GATAD2A: variants seen among roughly 807,000 people sequenced by gnomAD.
GATAD2A encodes transcriptional repressor p66-alpha.
A neutral mutation model predicts 68.5 loss-of-function variants in GATAD2A; 12 were observed. The observed-to-expected ratio is 0.18, with a 90% CI of 0.11 to 0.28. The LOEUF is 0.28. Among genes scored for constraint, GATAD2A ranks in the 10% least tolerant of loss-of-function variants. The pLI, the probability that GATAD2A is intolerant of heterozygous loss-of-function variation, is 1.00. For synonymous variants in GATAD2A, 410 were observed against 375.3 expected (o/e 1.09, Z -1.07); for missense variants, 755 against 868.5 (o/e 0.87, Z 1.64).
chr19:19,442,672 C>CGT, intron 1 of GATAD2A, among the ~76,000 whole-genome samples: 1 of 151,718 alleles, frequency 6.6e-6, no homozygotes, highest in East Asian at 1.9e-4. Context: ...TGGTTATACG[C>CGT]ACCTGCCATC....
chr19:19,480,130 G>A (rs951465326), intron 2 of GATAD2A, among the ~76,000 whole-genome samples: 2 of 151,986 alleles, frequency 1.3e-5, no homozygotes, highest in African/African-American at 4.8e-5. Flanking sequence ...TGAGGAATGG[G>A]GACTCATGCT....
intron 5 of GATAD2A, 118 bp from the exon 6 acceptor site, chr19:19,495,634 TAA>T (rs3067692): frequency 0.021 from 11,296 of 539,774 alleles, 1 homozygote; most frequent in East Asian, 0.028. Context: ...CTCTGCTACT[TAA>T]AAAAAAAAAA....
chr19:19,396,801 T>A (rs1280617405), intron 1 of GATAD2A, among the ~76,000 whole-genome samples: 2 of 152,106 alleles, frequency 1.3e-5, no homozygotes, highest in Non-Finnish European at 2.9e-5. Context: ...CTCCACCTCC[T>A]GGGTTCAAGC....
chr19:19,399,337 C>G (rs945670129), intron 1 of GATAD2A, among the ~76,000 whole-genome samples: 15 of 152,114 alleles, frequency 9.9e-5, no homozygotes, highest in African/African-American at 3.6e-4. Context: ...CTTGACCTCC[C>G]AGGCTCAAGC....
chr19:19,416,212 C>T (rs753391145), intron 1 of GATAD2A, among the ~76,000 whole-genome samples: 28 of 152,168 alleles, frequency 1.8e-4, no homozygotes, highest in Non-Finnish European at 3.4e-4. Context: ...ATGGGAGGAG[C>T]CAACTAAATA....
In GATAD2A at chr19:19,492,201, A is replaced by C. The variant is rs1199691424; in HGVS notation, c.270-105A>C. ...GGGATGTGGAGGATGCAGGGCAGAC[A>C]GGGAACAGACGGGGAGGTCTCAGCT... is the stretch of plus-strand genomic sequence containing the variant. On this transcript the variant is annotated intron_variant, in intron 2 of 11. Transcript: ENST00000683918. 3.3e-5 allele frequency: 39 copies of C among 1,193,116 alleles called. 1 individual carries two copies. The South Asian group carries it at 5.1e-4, about 16-fold the overall frequency. The allele number at this position is 1,193,116 out of a possible 1,614,324, so 73.9% of individuals were successfully genotyped here.
chr19:19,438,761 G>A lies in GATAD2A; in HGVS notation c.-6-26579G>A, dbSNP rs536350535. On this transcript the variant is annotated intron_variant, in intron 1 of 11. Coordinates refer to ENST00000683918, the MANE Select transcript of GATAD2A (RefSeq NM_001384528.1). ...GTTTTCCTTTGGCCTGTGCTTGAAG[G>A]GACTTGATAGAAAAGGACAGTCTAT... 2.1e-3 allele frequency among the ~76,000 whole-genome samples: 319 copies of A among 152,294 alleles called. 1 individual carries two copies. The highest frequency in any genetic ancestry group is 3.9e-3 in the Non-Finnish European group (265 of 68,026).
At chr19:19,430,489 T>G (rs1301937190) in intron 1 of GATAD2A, among the ~76,000 whole-genome samples, 1 of 152,200 alleles carries the variant, frequency 6.6e-6, no homozygotes, top group Non-Finnish European at 1.5e-5. Flanking sequence ...ACCTTGGATG[T>G]TGTTGGCCAT....
chr19:19,465,062 C>T (rs1290611572), intron 1 of GATAD2A: 2 of 535,596 alleles, frequency 3.7e-6, no homozygotes, highest in Non-Finnish European at 3.4e-6. Context: ...GTTCAGCACC[C>T]TGCTGCCTCT....
intron 1 of GATAD2A, among the ~76,000 whole-genome samples, chr19:19,459,720 T>C (rs2057256301): frequency 6.6e-6 from 1 of 152,250 alleles, no homozygotes; most frequent in South Asian, 2.1e-4. Flanking sequence ...TGTGTCCATC[T>C]TGTGTCCTTG....
At chr19:19,429,431 G>A (rs1037702505) in intron 1 of GATAD2A, among the ~76,000 whole-genome samples, 11 of 152,114 alleles carry the variant, frequency 7.2e-5, no homozygotes, top group Non-Finnish European at 4.4e-5. Context: ...AGCATGGAAC[G>A]TGTATGCTCC....
chr19:19,501,449 C>T (rs1227299862), intron 9 of GATAD2A, 33 bp downstream of exon 9: 4 of 1,526,820 alleles, frequency 2.6e-6, no homozygotes, highest in Admixed American at 2.0e-5. Context: ...AGTGCCGTCC[C>T]TAGGAGGCAG....
At chr19:19,501,552 A>G in intron 9 of GATAD2A, 136 bp downstream of exon 9, 2 of 713,024 alleles carry the variant, frequency 2.8e-6, no homozygotes, top group Non-Finnish European at 4.5e-6. Flanking sequence ...TTGGGCGGCA[A>G]AAACACTAAT....
chr19:19,418,152 T>G (rs982377421), intron 1 of GATAD2A, among the ~76,000 whole-genome samples: 1 of 152,092 alleles, frequency 6.6e-6, no homozygotes, highest in Non-Finnish European at 1.5e-5. Context: ...AGCTGGGTAT[T>G]GGCCCTGGGC....
At chr19:19,452,712 A>G (rs1364818115) in intron 1 of GATAD2A, among the ~76,000 whole-genome samples, 1 of 152,022 alleles carries the variant, frequency 6.6e-6, no homozygotes, top group African/African-American at 2.4e-5. Flanking sequence ...CACAGGCAAA[A>G]TGTACCACAC....
At chr19:19,467,051 G>A (rs956074646) in intron 2 of GATAD2A, among the ~76,000 whole-genome samples, 4 of 152,200 alleles carry the variant, frequency 2.6e-5, no homozygotes, top group Non-Finnish European at 4.4e-5. Context: ...GTAGGTCAGT[G>A]GATTGTGAGG....
intron 2 of GATAD2A, among the ~76,000 whole-genome samples, chr19:19,486,198 G>A (rs1367512001): frequency 1.3e-5 from 2 of 152,180 alleles, no homozygotes; most frequent in Non-Finnish European, 2.9e-5. Flanking sequence ...CTCTGTAATG[G>A]GCTCCCACTC....
rs2050183704 is a variant in GATAD2A, at chr19:19,405,982, C to T, written c.-44C>T. The T allele has an allele frequency of 6.6e-6, 1 of 150,640 alleles. No individual in the cohort carries two copies. The highest frequency in any genetic ancestry group is 1.5e-5 in the Non-Finnish European group (1 of 67,574). 9.3% of individuals were successfully genotyped at this position (150,640 alleles called of 1,614,324 possible). A position where few individuals can be genotyped will look rare whatever the true frequency, so the allele number is the denominator to read the frequency against. On this transcript the variant is annotated 5_prime_UTR_variant, in exon 1 of 12. Transcript: ENST00000683918. ...ACCCCGGACCAGCAGCCCCCGTAAC[C>T]TGCGCGCTGCCCTAGGGCCCGGCCG...
chr19:19,475,824 T>C (rs546688404), intron 2 of GATAD2A, among the ~76,000 whole-genome samples: 2 of 152,284 alleles, frequency 1.3e-5, no homozygotes, highest in East Asian at 3.9e-4. Context: ...TATCTGGGAC[T>C]CTAATCCCAG....
Sources: allele counts gnomAD v4.1 joint callset (sites outside exome capture counted in the v4.1 genomes callset), GRCh38; gene constraint gnomAD v4.1.1; transcripts MANE v1.5; gene names NCBI Gene and HGNC (gene_info 2026-07-23, HGNC 2026-07-21).